VPS36: variants seen among roughly 807,000 people sequenced by gnomAD.
VPS36 encodes the protein vacuolar protein-sorting-associated protein 36.
VPS36 carries 31 observed loss-of-function variants against 63.5 expected under a neutral mutation model. That is an observed-to-expected ratio of 0.49 (90% CI 0.37 to 0.66). The LOEUF (loss-of-function observed/expected upper bound fraction) is 0.66. Ranked by LOEUF, VPS36 falls within the 30% of genes least tolerant of loss-of-function variation. The pLI is 0.00. For synonymous variants in VPS36, 138 were observed against 157.2 expected, an observed-to-expected ratio of 0.88 and a Z score of 0.91; for missense variants, 338 against 463.7, an observed-to-expected ratio of 0.73 and a Z score of 2.49.
chr13:52,449,710 T>C lies in VPS36; in HGVS notation c.96+789A>G, dbSNP rs1010083389. On this transcript the variant is annotated intron_variant, in intron 1 of 13. Transcript: ENST00000378060. ...TTTCAATCCAGGACAAGATATTTCA[T>C]AGTTTCAGTAAAGTATCTACAAAAT... Among the ~76,000 whole-genome samples the C allele has an allele frequency of 3.0e-4, 46 of 152,236 alleles. 1 individual carries two copies. The highest frequency in any genetic ancestry group is 5.1e-4 in the Non-Finnish European group (35 of 68,050).
At position 52,419,057 on chromosome 13, in the gene VPS36, ATAAATGAGG is replaced by A. The variant is rs1454512586; in HGVS notation, c.841-1010_841-1002del. ...GCCATGTCACTGAGTTATTGGGAGG[ATAAATGAGG>A]TAACACATGCAGAGTGTCCAGTGGA... On this transcript the variant is annotated intron_variant, in intron 10 of 13. Transcript: ENST00000378060. 5.9e-5 allele frequency among the ~76,000 whole-genome samples: 9 copies of A among 152,228 alleles called. No individual in the cohort carries two copies. In the East Asian group the frequency reaches 1.7e-3, roughly 29 times the overall value.
chr13:52,450,317 G>A (rs1958389192), intron 1 of VPS36, 182 bp downstream of exon 1: 5 of 1,173,608 alleles, frequency 4.3e-6, no homozygotes, highest in Non-Finnish European at 5.3e-6. Flanking sequence ...CCCACGCCAC[G>A]TGCTACCGAC....
chr13:52,415,650 C>A lies in VPS36; in HGVS notation c.*180G>T. The stretch of plus-strand genomic sequence containing the variant: ...TTGGCATTCACTTTTCTGAATTTTC[C>A]TATGCGTATACTAAATAAATTTCCT... On this transcript the variant is annotated 3_prime_UTR_variant, in exon 14 of 14. Transcript: ENST00000378060. 1 of 614,774 alleles carries A rather than the reference C, an allele frequency of 1.6e-6. No individual in the cohort carries two copies. The highest frequency in any genetic ancestry group is 2.8e-6 in the Non-Finnish European group (1 of 352,678). 38.1% of individuals were successfully genotyped at this position (614,774 alleles called of 1,614,324 possible).
rs191926349 is a variant in VPS36, at chr13:52,413,526, C to T, written c.*2304G>A. On this transcript the variant is annotated 3_prime_UTR_variant, in exon 14 of 14. Transcript: ENST00000378060. ...CAAGAAAAATCATTTTTAAATTTTG[C>T]AATAATTTTACTCTATATACATTGA... 1 of 152,116 alleles carries T rather than the reference C, an allele frequency of 6.6e-6. No individual in the cohort carries two copies. Among genetic ancestry groups the T allele is most frequent in the East Asian group, 1.9e-4 (1 of 5,178 alleles). 9.4% of individuals were successfully genotyped at this position (152,116 alleles called of 1,614,324 possible). A position where few individuals can be genotyped will look rare whatever the true frequency, so the allele number is the denominator to read the frequency against.
In VPS36 at chr13:52,417,135, A is replaced by C. The variant is rs1216923572; in HGVS notation, c.912T>G (p.Arg304=). The change falls in exon 12 of 14, where the codon CGT becomes CGG. Residue 304 remains arginine (R), a synonymous_variant. Coordinates refer to ENST00000378060, the MANE Select transcript of VPS36 (RefSeq NM_016075.4). ...LEALKLPLRL[R]VFDSGVMVIE... is the part of the protein sequence containing the mutation. Reference sequence around the variant, plus strand: ...TTACCATGACGCCACTGTCAAACACACGGAGCCTGAAAACCACAGGTGCGA... The same window carrying C: ...TTACCATGACGCCACTGTCAAACACCCGGAGCCTGAAAACCACAGGTGCGA... 2 of 1,613,968 alleles carry C rather than the reference A, an allele frequency of 1.2e-6. No homozygotes were observed. Among genetic ancestry groups the C allele is most frequent in the Non-Finnish European group, 1.7e-6 (2 of 1,179,998 alleles).
rs953842941 is a variant in VPS36 at position 52,415,748 on chromosome 13, G to A, written c.*82C>T. 12 of 1,231,504 alleles carry A rather than the reference G, an allele frequency of 9.7e-6. No homozygotes were observed. The highest frequency in any genetic ancestry group is 5.2e-5 in the South Asian group (4 of 76,298). The allele number at this position is 1,231,504 out of a possible 1,614,324, so 76.3% of individuals were successfully genotyped here. A position where few individuals can be genotyped will look rare whatever the true frequency, so the allele number is the denominator to read the frequency against. Reference sequence around the variant, plus strand: ...AGTTCCAATAAATTCTCAATTGATCGGGGTTTATCTCTTAGCTCAATGTCA... The same window carrying A: ...AGTTCCAATAAATTCTCAATTGATCAGGGTTTATCTCTTAGCTCAATGTCA... On this transcript the variant is annotated 3_prime_UTR_variant, in exon 14 of 14. Transcript: ENST00000378060.
At chr13:52,442,241 C>G in intron 2 of VPS36, 136 bp downstream of exon 2, 1 of 610,212 alleles carries the variant, frequency 1.6e-6, no homozygotes, top group East Asian at 3.3e-5. Context: ...GCCCCGGCTA[C>G]TCGGGAGGTT....
chr13:52,450,040 C>T, intron 1 of VPS36: 1 of 987,446 alleles, frequency 1.0e-6, no homozygotes, highest in Non-Finnish European at 1.2e-6. Flanking sequence ...ACGGACTGTA[C>T]GGCCACCGCG....
rs912719636 is a variant in VPS36, at chr13:52,423,568, C to G, written c.840+6G>C. The G allele has an allele frequency of 6.2e-7, 1 of 1,609,868 alleles. No individual in the cohort carries two copies. The highest frequency in any genetic ancestry group is 1.3e-5 in the African/African-American group (1 of 74,850). On this transcript the variant is annotated splice_donor_region_variant and intron_variant, in intron 10 of 13. Transcript: ENST00000378060. ...TTAAAAGAGTATTTAAATTTTCTAT[C>G]CTTACTTCCATTCCTCGAGCTCGGT...
At position 52,412,942 on chromosome 13, in the gene VPS36, G is replaced by A. The variant is rs574906428; in HGVS notation, c.*2888C>T. 2 of 152,724 alleles carry A rather than the reference G, an allele frequency of 1.3e-5. No homozygotes were observed. The highest frequency in any genetic ancestry group is 3.9e-4 in the East Asian group (2 of 5,188). The allele number at this position is 152,724 out of a possible 1,614,324, so 9.5% of individuals were successfully genotyped here. A position where few individuals can be genotyped will look rare whatever the true frequency, so the allele number is the denominator to read the frequency against. The stretch of plus-strand genomic sequence containing the variant: ...CTCTTGATATGCAGTTTGTATTTTT[G>A]TACTTAATATAAGCATAATATATTC... On this transcript the variant is annotated 3_prime_UTR_variant, in exon 14 of 14. Transcript: ENST00000378060.
Position 52,412,696 on chromosome 13 carries a change from G to A in VPS36, c.*3134C>T, listed in dbSNP as rs1957959149. On this transcript the variant is annotated 3_prime_UTR_variant, in exon 14 of 14. Coordinates refer to ENST00000378060, the MANE Select transcript of VPS36 (RefSeq NM_016075.4). ...CAAATTATAAATAGGAATATAGGTAGGAGTTCATTCATTCAGTAAATATTT... is the reference window on the plus strand; with the variant it reads ...CAAATTATAAATAGGAATATAGGTAAGAGTTCATTCATTCAGTAAATATTT... The A allele has an allele frequency of 6.6e-6, 1 of 152,202 alleles. No homozygotes were observed. Among genetic ancestry groups the A allele is most frequent in the Non-Finnish European group, 1.5e-5 (1 of 68,038 alleles). The allele number at this position is 152,202 out of a possible 1,614,324, so 9.4% of individuals were successfully genotyped here. A position where few individuals can be genotyped will look rare whatever the true frequency, so the allele number is the denominator to read the frequency against.
In VPS36 at chr13:52,413,249, A is replaced by T. The variant is rs1024301795; in HGVS notation, c.*2581T>A. 2.6e-5 allele frequency: 4 copies of T among 152,272 alleles called. No individual in the cohort carries two copies. Among genetic ancestry groups the T allele is most frequent in the Non-Finnish European group, 1.5e-5 (1 of 68,040 alleles). 9.4% of individuals were successfully genotyped at this position (152,272 alleles called of 1,614,324 possible). On this transcript the variant is annotated 3_prime_UTR_variant, in exon 14 of 14. Transcript: ENST00000378060. ...AATCTGGTAACAAGGAACAAGAAAG[A>T]GTACATTCATCTGAATATACATGGT...
chr13:52,446,110 A>T (rs531729853), intron 1 of VPS36, among the ~76,000 whole-genome samples: 1 of 150,704 alleles, frequency 6.6e-6, no homozygotes, highest in Non-Finnish European at 1.5e-5. Flanking sequence ...AAAAAATAAA[A>T]AAAAAAATTG....
intron 1 of VPS36, 120 bp downstream of exon 1, chr13:52,450,379 C>G (rs552169215): frequency 1.6e-6 from 2 of 1,264,276 alleles, no homozygotes; most frequent in Non-Finnish European, 2.0e-6. Flanking sequence ...GCCGGGCCGC[C>G]GAGGGCCGTG....
At chr13:52,437,055 C>T (rs1400091085) in intron 3 of VPS36, among the ~76,000 whole-genome samples, 1 of 146,248 alleles carries the variant, frequency 6.8e-6, no homozygotes, top group Non-Finnish European at 1.5e-5. Flanking sequence ...TGTTTTCCTC[C>T]TTTTTTTTTT....
chr13:52,413,554 C>A lies in VPS36; in HGVS notation c.*2276G>T, dbSNP rs998484247. 4 of 151,986 alleles carry A rather than the reference C, an allele frequency of 2.6e-5. No homozygotes were observed. The highest frequency in any genetic ancestry group is 9.7e-5 in the African/African-American group (4 of 41,368). The allele number at this position is 151,986 out of a possible 1,614,324, so 9.4% of individuals were successfully genotyped here. Reference sequence around the variant, plus strand: ...TAATTTTACTCTATATACATTGATACCAATCATTTAACCCTGAAAACACAG... The same window carrying A: ...TAATTTTACTCTATATACATTGATAACAATCATTTAACCCTGAAAACACAG... On this transcript the variant is annotated 3_prime_UTR_variant, in exon 14 of 14. Coordinates refer to ENST00000378060, the MANE Select transcript of VPS36 (RefSeq NM_016075.4).
At chr13:52,427,658 C>G (rs1039708979) in intron 6 of VPS36, among the ~76,000 whole-genome samples, 9 of 151,710 alleles carry the variant, frequency 5.9e-5, no homozygotes, top group Non-Finnish European at 1.3e-4. Flanking sequence ...TTGTTAATAA[C>G]TATTTATATA....
rs1413345451 is a variant in VPS36, at chr13:52,436,391, C to A, written c.250G>T (p.Val84Phe). 30 of 1,610,936 alleles carry A rather than the reference C, an allele frequency of 1.9e-5. No individual in the cohort carries two copies. Among genetic ancestry groups the A allele is most frequent in the Non-Finnish European group, 2.5e-5 (30 of 1,178,384 alleles). ...AGIGKSAKIV[V>F]HLHPAPPNKE... ...TTAGGAGGAGCTGGGTGAAGATGAA[C>A]CACTATTTTGGCACTGAAGAAAGAA... The change falls in exon 4 of 14, where the codon GTT becomes TTT. Residue 84 changes from valine (V) to phenylalanine (F), a missense_variant. Transcript: ENST00000378060.
intron 2 of VPS36, 70 bp downstream of exon 2, chr13:52,442,307 C>T (rs988007833): frequency 1.5e-5 from 21 of 1,416,498 alleles, no homozygotes; most frequent in East Asian, 7.4e-5. Context: ...GGCAATACAG[C>T]GAGACCCTGT....
Sources: gnomAD v4.1 joint callset for allele counts (sites outside exome capture counted in the v4.1 genomes callset) on GRCh38, gnomAD v4.1.1 for gene constraint, MANE v1.5 for transcripts, NCBI Gene and HGNC (gene_info 2026-07-23, HGNC 2026-07-21) for gene names.